Variants in ARHGAP15 observed in about 807,000 individuals in gnomAD.
ARHGAP15 encodes the protein rho GTPase-activating protein 15.
Under a neutral mutation model 63.7 loss-of-function variants are expected in ARHGAP15, and 51 were observed. That is an observed-to-expected ratio of 0.80 (90% CI 0.64 to 1.01). The LOEUF (loss-of-function observed/expected upper bound fraction) is 1.01, where lower values mean the gene tolerates loss of function less well. ARHGAP15 is among the 50% of genes least tolerant of loss of function. The pLI is 0.00. For synonymous variants in ARHGAP15, 191 were observed against 193.8 expected, an observed-to-expected ratio of 0.99 and a Z score of 0.12; for missense variants, 560 against 564.6, an observed-to-expected ratio of 0.99 and a Z score of 0.08.
intron 3 of ARHGAP15, among the ~76,000 whole-genome samples, chr2:143,204,365 C>T (rs12988287): frequency 0.15 from 22,124 of 151,994 alleles, 1,692 homozygotes; most frequent in Middle Eastern, 0.24. Flanking sequence ...GGTCTAGAGG[C>T]TGGAAGTCCA....
intron 11 of ARHGAP15, among the ~76,000 whole-genome samples, chr2:143,599,679 A>G (rs1349691628): frequency 6.6e-6 from 1 of 152,216 alleles, no homozygotes. Flanking sequence ...AACACTTTTG[A>G]TCCAAAATTA....
At chr2:143,367,120 A>G (rs898948857) in intron 6 of ARHGAP15, among the ~76,000 whole-genome samples, 5 of 152,076 alleles carry the variant, frequency 3.3e-5, no homozygotes, top group African/African-American at 1.2e-4. Flanking sequence ...ATTAGACATT[A>G]CATAACAATC....
chr2:143,377,209 C>A (rs1050934588), intron 6 of ARHGAP15, among the ~76,000 whole-genome samples: 1 of 151,804 alleles, frequency 6.6e-6, no homozygotes, highest in Non-Finnish European at 1.5e-5. Context: ...CCAATACTTA[C>A]CAAATGAAGT....
intron 12 of ARHGAP15, among the ~76,000 whole-genome samples, chr2:143,695,139 CT>C (rs1226378027): frequency 1.3e-5 from 2 of 151,976 alleles, no homozygotes; most frequent in Admixed American, 6.6e-5. Context: ...ATAGTAAAGA[CT>C]TTTTTTAATT....
intron 13 of ARHGAP15, among the ~76,000 whole-genome samples, chr2:143,707,187 G>A (rs1223011697): frequency 6.6e-6 from 1 of 152,170 alleles, no homozygotes; most frequent in Non-Finnish European, 1.5e-5. Flanking sequence ...AGAGAACCCA[G>A]GAGGTCCCAG....
At chr2:143,605,861 A>G (rs1483559649) in intron 11 of ARHGAP15, among the ~76,000 whole-genome samples, 1 of 38,216 alleles carries the variant, frequency 2.6e-5, no homozygotes, top group Non-Finnish European at 4.6e-5. Flanking sequence ...TAAAATACAA[A>G]AAAAAAAAAA....
intron 12 of ARHGAP15, among the ~76,000 whole-genome samples, chr2:143,641,613 C>T (rs1230742678): frequency 1.3e-5 from 2 of 152,000 alleles, no homozygotes; most frequent in Non-Finnish European, 2.9e-5. Context: ...TTACAGTAAG[C>T]TTAATGAAAG....
At chr2:143,573,554 G>A (rs990065444) in intron 11 of ARHGAP15, among the ~76,000 whole-genome samples, 11 of 152,150 alleles carry the variant, frequency 7.2e-5, no homozygotes, top group Non-Finnish European at 1.6e-4. Context: ...ATTACTGTCT[G>A]TGCAGTTGTT....
intron 6 of ARHGAP15, among the ~76,000 whole-genome samples, chr2:143,356,636 G>A (rs899503353): frequency 1.3e-5 from 2 of 151,996 alleles, no homozygotes; most frequent in African/African-American, 2.4e-5. Flanking sequence ...ACTCCCTGAA[G>A]AAGAAAAAGA....
chr2:143,595,444 C>G (rs1355550006), intron 11 of ARHGAP15, among the ~76,000 whole-genome samples: 1 of 152,092 alleles, frequency 6.6e-6, no homozygotes, highest in Non-Finnish European at 1.5e-5. Flanking sequence ...TAGTGTCCTT[C>G]TATTTTACGT....
intron 6 of ARHGAP15, among the ~76,000 whole-genome samples, chr2:143,385,467 T>C: frequency 6.6e-6 from 1 of 152,152 alleles, no homozygotes; most frequent in Middle Eastern, 3.2e-3. Context: ...TTTTTCTGTA[T>C]ACATTGGAAA....
intron 6 of ARHGAP15, among the ~76,000 whole-genome samples, chr2:143,423,637 A>G (rs1158005456): frequency 6.6e-6 from 1 of 152,166 alleles, no homozygotes; most frequent in Non-Finnish European, 1.5e-5. Context: ...TTTCCGGAAT[A>G]GGCAGTGTCT....
intron 4 of ARHGAP15, among the ~76,000 whole-genome samples, chr2:143,220,380 T>C (rs926493586): frequency 3.9e-5 from 6 of 152,104 alleles, no homozygotes; most frequent in African/African-American, 1.4e-4. Flanking sequence ...AGCTATTATT[T>C]TGTATTTTTA....
intron 4 of ARHGAP15, among the ~76,000 whole-genome samples, chr2:143,218,015 A>G (rs1692825226): frequency 6.6e-6 from 1 of 152,170 alleles, no homozygotes; most frequent in Non-Finnish European, 1.5e-5. Context: ...CCAACCTTAT[A>G]ACATACAGAA....
chr2:143,438,061 C>T (rs1360302782), intron 8 of ARHGAP15, among the ~76,000 whole-genome samples: 1 of 152,084 alleles, frequency 6.6e-6, no homozygotes, highest in Non-Finnish European at 1.5e-5. Context: ...CAGAGAAAAC[C>T]TATTTCCCAA....
chr2:143,644,185 G>A lies in ARHGAP15; in HGVS notation c.1138+19918G>A, dbSNP rs546839522. Among the ~76,000 whole-genome samples, 217 of 152,214 alleles carry A rather than the reference G, an allele frequency of 1.4e-3. 2 individuals carry two copies. Among genetic ancestry groups the A allele is most frequent in the Middle Eastern group, 3.4e-3 (1 of 292 alleles). ...TTTATGTTAAGGTTTGATAGAGAAC[G>A]AACAGCCATGTAGAAATGTGGTTGG... is the stretch of plus-strand genomic sequence containing the variant. On this transcript the variant is annotated intron_variant, in intron 12 of 13. Transcript: ENST00000295095.
At chr2:143,503,605 AC>A (rs1283432292) in intron 9 of ARHGAP15, among the ~76,000 whole-genome samples, 2 of 152,234 alleles carry the variant, frequency 1.3e-5, no homozygotes, top group African/African-American at 2.4e-5. Context: ...AGTATTGCGT[AC>A]CAGTCCTTCA....
intron 11 of ARHGAP15, among the ~76,000 whole-genome samples, chr2:143,559,230 T>TA (rs1276531254): frequency 6.6e-6 from 1 of 152,080 alleles, no homozygotes; most frequent in Non-Finnish European, 1.5e-5. Flanking sequence ...TTCCTGCCTT[T>TA]AAAAAAACTA....
Position 143,487,392 on chromosome 2 carries a change from T to A in ARHGAP15, c.723T>A (p.Ser241Arg), listed in dbSNP as rs1399037546. The part of the protein sequence containing the change: ...RKSLMFRLHH[S>R]ASDTSDKNRV... ...CTTCAGTGTTCAGACTGCATCACAG[T>A]GCTTCCGATACAAGCGACAAAAATC... Residue 241 changes from serine to arginine, a missense_variant, in exon 9 of 14, where the codon AGT becomes AGA. Physicochemically the swap from Ser to Arg is moderately radical, Grantham distance 110 (BLOSUM62 -1). Coordinates refer to ENST00000295095, the MANE Select transcript of ARHGAP15 (RefSeq NM_018460.4). The A allele has an allele frequency of 6.2e-7, 1 of 1,613,464 alleles. No homozygotes were observed. Among genetic ancestry groups the A allele is most frequent in the African/African-American group, 1.3e-5 (1 of 74,888 alleles).
Sources: gnomAD v4.1 joint callset for allele counts (sites outside exome capture counted in the v4.1 genomes callset) on GRCh38, gnomAD v4.1.1 for gene constraint, MANE v1.5 for transcripts, NCBI Gene and HGNC (gene_info 2026-07-23, HGNC 2026-07-21) for gene names.